Variants in ARHGEF10L observed in about 807,000 individuals in gnomAD.
ARHGEF10L encodes the protein Rho guanine nucleotide exchange factor 10 like, also known as rho guanine nucleotide exchange factor 10-like protein.
Under a neutral mutation model 141.2 loss-of-function variants are expected in ARHGEF10L, and 69 were observed. The ratio of observed to expected loss-of-function variants is 0.49; its 90% CI spans 0.40 to 0.60. The LOEUF (loss-of-function observed/expected upper bound fraction) is 0.60, where lower values mean the gene tolerates loss of function less well. ARHGEF10L is among the 20% of genes least tolerant of loss of function. The pLI, the probability that ARHGEF10L is intolerant of heterozygous loss-of-function variation, is 0.00. For synonymous variants in ARHGEF10L, 711 were observed against 718.5 expected, an observed-to-expected ratio of 0.99 and a Z score of 0.17; for missense variants, 1,482 against 1,734.3, an observed-to-expected ratio of 0.85 and a Z score of 2.58.
chr1:17,554,564 T>C (rs1009658605), intron 1 of ARHGEF10L, among the ~76,000 whole-genome samples: 1 of 142,022 alleles, frequency 7.0e-6, no homozygotes, highest in African/African-American at 2.6e-5. Flanking sequence ...CCTCCCTCCC[T>C]CCCTCCTTTC....
chr1:17,647,235 C>T (rs1195910809), intron 21 of ARHGEF10L, among the ~76,000 whole-genome samples: 7 of 152,194 alleles, frequency 4.6e-5, no homozygotes, highest in Non-Finnish European at 5.9e-5. Context: ...CTGGGTGCTG[C>T]CCCCTAGCCA....
In ARHGEF10L at chr1:17,615,896, C is replaced by T. The variant is rs913284381; in HGVS notation, c.727-198C>T. 1 of 568,492 alleles carries T rather than the reference C, an allele frequency of 1.8e-6. No homozygotes were observed. The highest frequency in any genetic ancestry group is 1.9e-5 in the African/African-American group (1 of 53,186). 35.2% of individuals were successfully genotyped at this position (568,492 alleles called of 1,614,324 possible). On this transcript the variant is annotated intron_variant, in intron 8 of 28. Coordinates refer to ENST00000361221, the MANE Select transcript of ARHGEF10L (RefSeq NM_018125.4). This position sits in a 1 kb window ranked among gnomAD's most constrained non-coding sequence, Gnocchi z 4.7. ...AAAATCGGTTACAGCCTCCTGTTGC[C>T]CCTAAAGAGGGAGATCCCCGGGCAT...
In ARHGEF10L at chr1:17,603,650, T is replaced by C; in HGVS notation, c.433+59T>C. ...GGGGACAGGGGAGGGAGGCTGGGAC[T>C]GGGGAGGGTTGTCTCTTTCCGTTTC... On this transcript the variant is annotated intron_variant, in intron 6 of 28. Coordinates refer to ENST00000361221, the MANE Select transcript of ARHGEF10L (RefSeq NM_018125.4). The surrounding 1 kb of genome is among the most constrained non-coding windows in gnomAD (Gnocchi z 4.8). 6.9e-7 allele frequency: 1 copy of C among 1,449,698 alleles called. No individual in the cohort carries two copies. The highest frequency in any genetic ancestry group is 9.4e-7 in the Non-Finnish European group (1 of 1,067,334). 89.8% of individuals were successfully genotyped at this position (1,449,698 alleles called of 1,614,324 possible). A position where few individuals can be genotyped will look rare whatever the true frequency, so the allele number is the denominator to read the frequency against.
chr1:17,627,067 A>G lies in ARHGEF10L; in HGVS notation c.1411-263A>G, dbSNP rs550865393. ...GACTGTGGCTAATGCTGCTATGAAC[A>G]TGGCTGGACAAATATCTGTTTGAGA... On this transcript the variant is annotated intron_variant, in intron 14 of 28. Transcript: ENST00000361221. The surrounding 1 kb of genome is among the most constrained non-coding windows in gnomAD (Gnocchi z 4.0). Among the ~76,000 whole-genome samples the G allele has an allele frequency of 3.8e-4, 58 of 152,366 alleles. No individual in the cohort carries two copies. Among genetic ancestry groups the G allele is most frequent in the African/African-American group, 1.3e-3 (52 of 41,578 alleles).
rs139796393 is a variant in ARHGEF10L at position 17,626,907 on chromosome 1, C to G, written c.1411-423C>G. Among the ~76,000 whole-genome samples, 544 of 152,368 alleles carry G rather than the reference C, an allele frequency of 3.6e-3. 4 individuals are homozygous for G. Among genetic ancestry groups the G allele is most frequent in the Middle Eastern group, 0.02 (6 of 294 alleles). On this transcript the variant is annotated intron_variant, in intron 14 of 28. Coordinates refer to ENST00000361221, the MANE Select transcript of ARHGEF10L (RefSeq NM_018125.4). ...CTTGTTTTCCTTAACATGAGGTCTT[C>G]AAGATTCATCGTGTCCTAGCATGTG...
At chr1:17,684,123 C>T (rs2064369511) in intron 26 of ARHGEF10L, among the ~76,000 whole-genome samples, 1 of 152,214 alleles carries the variant, frequency 6.6e-6, no homozygotes, top group African/African-American at 2.4e-5. Context: ...CGCCCCACTG[C>T]TCGCCGACAG....
chr1:17,606,900 C>T (rs928417478), intron 6 of ARHGEF10L, among the ~76,000 whole-genome samples: 7 of 152,184 alleles, frequency 4.6e-5, no homozygotes, highest in African/African-American at 1.4e-4. Flanking sequence ...ATGGGCCCCA[C>T]GAGTGCCCTG....
chr1:17,585,958 A>G (rs2078989054), intron 2 of ARHGEF10L, among the ~76,000 whole-genome samples: 1 of 152,020 alleles, frequency 6.6e-6, no homozygotes, highest in Admixed American at 6.5e-5. Context: ...GCCGAGGGCT[A>G]CTCCTACCCA....
chr1:17,696,029 T>C (rs933985823), intron 28 of ARHGEF10L, among the ~76,000 whole-genome samples: 1 of 151,758 alleles, frequency 6.6e-6, no homozygotes, highest in Non-Finnish European at 1.5e-5. Context: ...AAACCCCATC[T>C]CTACTAAAAA....
In ARHGEF10L at chr1:17,583,409, C is replaced by T. The variant is rs113639060; in HGVS notation, c.37+2777C>T. ...TAATAATACGACAGTGATGATGTAA[C>T]GATGGTGATAATAATAAGCAGAATC... is the stretch of plus-strand genomic sequence containing the variant. On this transcript the variant is annotated intron_variant, in intron 2 of 28. Coordinates refer to ENST00000361221, the MANE Select transcript of ARHGEF10L (RefSeq NM_018125.4). Among the ~76,000 whole-genome samples, 3 of 151,938 alleles carry T rather than the reference C, an allele frequency of 2.0e-5. 1 individual carries two copies. The highest frequency in any genetic ancestry group is 4.2e-4 in the South Asian group (2 of 4,808).
intron 1 of ARHGEF10L, among the ~76,000 whole-genome samples, chr1:17,569,974 A>T (rs1438201432): frequency 6.6e-6 from 1 of 152,186 alleles, no homozygotes; most frequent in Non-Finnish European, 1.5e-5. Flanking sequence ...GTTTTGGGGA[A>T]CTGCCCCTTT....
At chr1:17,645,771 C>A (rs2061564085) in intron 21 of ARHGEF10L, among the ~76,000 whole-genome samples, 1 of 152,226 alleles carries the variant, frequency 6.6e-6, no homozygotes, top group African/African-American at 2.4e-5. Context: ...AGTTCCTTGG[C>A]ATCTGGATCT....
Position 17,655,864 on chromosome 1 carries a change from G to A in ARHGEF10L, c.2482-15G>A. On this transcript the variant is annotated splice_polypyrimidine_tract_variant and intron_variant, in intron 23 of 28. Coordinates refer to ENST00000361221, the MANE Select transcript of ARHGEF10L (RefSeq NM_018125.4). Reference sequence around the variant, plus strand: ...TGGTTCCCACCTGATGGCCTCTCTGGGTCTCTGCTCCCAGGTCGGGGGCGG... The same window carrying A: ...TGGTTCCCACCTGATGGCCTCTCTGAGTCTCTGCTCCCAGGTCGGGGGCGG... 6.5e-7 allele frequency: 1 copy of A among 1,550,054 alleles called. No individual in the cohort carries two copies.
At chr1:17,596,265 C>A (rs1330266210) in intron 4 of ARHGEF10L, among the ~76,000 whole-genome samples, 2 of 152,226 alleles carry the variant, frequency 1.3e-5, no homozygotes, top group East Asian at 3.9e-4. Flanking sequence ...GTGGCCAGGG[C>A]CAAAAAGAGA....
chr1:17,557,411 G>A (rs2077375254), intron 1 of ARHGEF10L, among the ~76,000 whole-genome samples: 1 of 152,144 alleles, frequency 6.6e-6, no homozygotes, highest in African/African-American at 2.4e-5. Flanking sequence ...TAACCTTTTG[G>A]GGTTGGTGAC....
chr1:17,634,497 G>A (rs1383107061), intron 16 of ARHGEF10L, 51 bp from the exon 17 acceptor site: 3 of 1,614,020 alleles, frequency 1.9e-6, no homozygotes. Context: ...CCCCAGATTA[G>A]CCACTCCATT....
the ARHGEF10L span, among the ~76,000 whole-genome samples, chr1:17,528,439 A>G: frequency 1.3e-5 from 2 of 150,660 alleles, no homozygotes; most frequent in Non-Finnish European, 3.0e-5. Flanking sequence ...CTGGTCTTGA[A>G]CTCCTGGGCC....
At position 17,626,163 on chromosome 1, in the gene ARHGEF10L, C is replaced by G; in HGVS notation, c.1410+115C>G. 3.7e-6 allele frequency: 3 copies of G among 801,492 alleles called. No individual in the cohort carries two copies. The South Asian group carries it at 5.1e-5, about 14-fold the overall frequency. 49.6% of individuals were successfully genotyped at this position (801,492 alleles called of 1,614,324 possible). ...CTCTTGTCCGTGATCCATAACCCACCCAACCTGCTGTGGGACTCTGGCCTC... is the reference window on the plus strand; with the variant it reads ...CTCTTGTCCGTGATCCATAACCCACGCAACCTGCTGTGGGACTCTGGCCTC... On this transcript the variant is annotated intron_variant, in intron 14 of 28. Transcript: ENST00000361221.
chr1:17,561,781 G>T (rs779545196), intron 1 of ARHGEF10L, among the ~76,000 whole-genome samples: 1 of 152,164 alleles, frequency 6.6e-6, no homozygotes. Flanking sequence ...TCCCTAATAC[G>T]GTCTCCTGTG....
Sources: allele counts gnomAD v4.1 joint callset (sites outside exome capture counted in the v4.1 genomes callset), GRCh38; gene constraint gnomAD v4.1.1; non-coding constraint Gnocchi (gnomAD v3.1); transcripts MANE v1.5; gene names NCBI Gene and HGNC (gene_info 2026-07-23, HGNC 2026-07-21).